Variants in LRP1B observed in about 807,000 individuals in gnomAD.
LRP1B encodes low-density lipoprotein receptor-related protein 1B.
LRP1B carries 217 observed loss-of-function variants against 556.6 expected under a neutral mutation model. That is an observed-to-expected ratio of 0.39 (90% CI 0.35 to 0.44). The LOEUF is 0.44. Among genes scored for constraint, LRP1B ranks in the 20% least tolerant of loss-of-function variants. LRP1B has a pLI of 1.00. For synonymous variants in LRP1B, 2,047 were observed against 1,865.8 expected (o/e 1.10, Z -2.50); for missense variants, 5,053 against 5,620.8 (o/e 0.90, Z 3.23).
intron 41 of LRP1B, among the ~76,000 whole-genome samples, chr2:140,638,204 G>A (rs188805246): frequency 5.9e-5 from 9 of 152,282 alleles, no homozygotes; most frequent in Admixed American, 5.9e-4. Flanking sequence ...ATGTAGATAT[G>A]AGAAAACTCT....
In LRP1B at chr2:140,444,266, T is replaced by A. The variant is rs1686555429; in HGVS notation, c.10294+64A>T. ...CATATGAATTTATGAAGTATAGTAC[T>A]AATTTTTAGACTTATTTTAGGAGTC... On this transcript the variant is annotated intron_variant, in intron 65 of 90. Transcript: ENST00000389484. 3.8e-6 allele frequency: 6 copies of A among 1,572,314 alleles called. No homozygotes were observed. The South Asian group carries it at 6.8e-5, about 18-fold the overall frequency.
chr2:140,407,250 A>G (rs1336918847), intron 66 of LRP1B, among the ~76,000 whole-genome samples: 1 of 152,018 alleles, frequency 6.6e-6, no homozygotes, highest in Admixed American at 6.6e-5. Context: ...AGAAGACAAC[A>G]TTGAAAAAAC....
chr2:141,089,781 C>G (rs1700132444), intron 7 of LRP1B, among the ~76,000 whole-genome samples: 1 of 152,136 alleles, frequency 6.6e-6, no homozygotes, highest in African/African-American at 2.4e-5. Context: ...CATATCTGGG[C>G]TGCCACAGGG....
intron 1 of LRP1B, among the ~76,000 whole-genome samples, chr2:141,876,308 C>T (rs910082894): frequency 6.6e-6 from 1 of 151,730 alleles, no homozygotes; most frequent in Non-Finnish European, 1.5e-5. Flanking sequence ...ATATTTTTTG[C>T]TTTGGGACCA....
At chr2:141,630,149 A>G (rs1443507020) in intron 2 of LRP1B, among the ~76,000 whole-genome samples, 1 of 152,224 alleles carries the variant, frequency 6.6e-6, no homozygotes, top group Non-Finnish European at 1.5e-5. Context: ...AATAGGCCAC[A>G]CCAGCTATCG....
At chr2:140,556,541 T>G (rs186926952) in intron 43 of LRP1B, among the ~76,000 whole-genome samples, 166 of 152,232 alleles carry the variant, frequency 1.1e-3, no homozygotes, top group African/African-American at 3.4e-3. Flanking sequence ...GGTTTATTTC[T>G]GAAGACTCCA....
At chr2:140,803,233 A>C (rs1310236707) in intron 32 of LRP1B, among the ~76,000 whole-genome samples, 1 of 149,148 alleles carries the variant, frequency 6.7e-6, no homozygotes, top group Non-Finnish European at 1.5e-5. Flanking sequence ...CCCTGAATAA[A>C]AGTGGTCAGT....
intron 14 of LRP1B, among the ~76,000 whole-genome samples, chr2:141,011,041 A>G (rs1697732145): frequency 6.7e-6 from 1 of 148,170 alleles, no homozygotes; most frequent in African/African-American, 2.5e-5. Flanking sequence ...TTATATATAT[A>G]TAAATAACAT....
chr2:140,902,123 A>G (rs1197318720), intron 23 of LRP1B, among the ~76,000 whole-genome samples: 3 of 152,220 alleles, frequency 2.0e-5, no homozygotes, highest in African/African-American at 7.2e-5. Context: ...TTTCAGTTAG[A>G]AGTTAAAATA....
At chr2:141,844,301 T>C (rs983693382) in intron 1 of LRP1B, among the ~76,000 whole-genome samples, 4 of 152,108 alleles carry the variant, frequency 2.6e-5, no homozygotes, top group Admixed American at 2.0e-4. Context: ...GCTAATCCCA[T>C]ATGTTTTTAC....
At chr2:141,510,236 C>CACACACACACACACACACACACACA (rs1553524111) in intron 2 of LRP1B, among the ~76,000 whole-genome samples, 1 of 132,160 alleles carries the variant, frequency 7.6e-6, no homozygotes. Context: ...ACACACACAC[C>CACACACACACACACACACACACACA]CCCCACAGTC....
intron 41 of LRP1B, among the ~76,000 whole-genome samples, chr2:140,631,301 C>A (rs1353505472): frequency 6.6e-6 from 1 of 152,120 alleles, no homozygotes; most frequent in Non-Finnish European, 1.5e-5. Flanking sequence ...AAAAAACAGT[C>A]TAAAGAAACA....
At chr2:140,384,835 T>A (rs7597354) in intron 67 of LRP1B, among the ~76,000 whole-genome samples, 13,405 of 152,302 alleles carry the variant, frequency 0.088, 699 homozygotes, top group Middle Eastern at 0.14. Context: ...ACTAATCTGC[T>A]TCAAGTCTTC....
At chr2:141,211,314 A>AAAAC (rs1682540064) in intron 6 of LRP1B, among the ~76,000 whole-genome samples, 1 of 151,572 alleles carries the variant, frequency 6.6e-6, no homozygotes. Context: ...TAAAAAAAAA[A>AAAAC]AACAAAACAA....
intron 2 of LRP1B, among the ~76,000 whole-genome samples, chr2:141,620,040 A>C (rs986267179): frequency 1.3e-5 from 2 of 152,124 alleles, no homozygotes; most frequent in Non-Finnish European, 2.9e-5. Flanking sequence ...GTAACCTGGA[A>C]CTCCTGGGCT....
intron 3 of LRP1B, among the ~76,000 whole-genome samples, chr2:141,311,759 T>C (rs1190108613): frequency 6.6e-6 from 1 of 152,210 alleles, no homozygotes; most frequent in Non-Finnish European, 1.5e-5. Flanking sequence ...GCTATGCTCA[T>C]GAACTTCCCA....
intron 1 of LRP1B, among the ~76,000 whole-genome samples, chr2:142,013,609 T>C (rs938677209): frequency 1.3e-5 from 2 of 151,978 alleles, no homozygotes; most frequent in African/African-American, 4.8e-5. Context: ...CATGTAGCTA[T>C]GAAGTGAAGA....
intron 27 of LRP1B, among the ~76,000 whole-genome samples, chr2:140,854,828 A>G (rs1315642648): frequency 1.3e-5 from 2 of 152,212 alleles, no homozygotes; most frequent in Non-Finnish European, 2.9e-5. Context: ...TAGCTATTTT[A>G]TAAGAGACAC....
rs1483937323 is a variant in LRP1B at position 140,333,588 on chromosome 2, A to G, written c.12223+865T>C. ...AAACACATTAAAGATTAATAAGAATATAAGCACTAAATATAAATAGTTTAA... is the reference window on the plus strand; with the variant it reads ...AAACACATTAAAGATTAATAAGAATGTAAGCACTAAATATAAATAGTTTAA... On this transcript the variant is annotated intron_variant, in intron 79 of 90. Transcript: ENST00000389484. Among the ~76,000 whole-genome samples the G allele has an allele frequency of 2.6e-5, 4 of 152,050 alleles. No homozygotes were observed. The Admixed American group carries it at 2.6e-4, about 10-fold the overall frequency.
Sources: allele counts gnomAD v4.1 joint callset (sites outside exome capture counted in the v4.1 genomes callset), GRCh38; gene constraint gnomAD v4.1.1; transcripts MANE v1.5; gene names NCBI Gene and HGNC (gene_info 2026-07-23, HGNC 2026-07-21).